Variants in NEO1 observed in about 807,000 individuals in gnomAD.
The protein encoded by NEO1 is neogenin 1.
Under a neutral mutation model 159.7 loss-of-function variants are expected in NEO1, and 63 were observed. That is an observed-to-expected ratio of 0.39 (90% CI 0.32 to 0.49). The LOEUF (loss-of-function observed/expected upper bound fraction) is 0.49. Ranked by LOEUF, NEO1 falls within the 20% of genes least tolerant of loss-of-function variation. The probability of loss-of-function intolerance (pLI) is 0.85; values close to 1 mark genes in which losing one functional copy is unlikely to be tolerated. For missense variants in NEO1, 1,615 were observed against 1,831.0 expected, an observed-to-expected ratio of 0.88 and a Z score of 2.15; for synonymous variants, 633 against 662.0, an observed-to-expected ratio of 0.96 and a Z score of 0.67.
chr15:73,283,096 C>T lies in NEO1; in HGVS notation c.3395C>T (p.Thr1132Ile). Residue 1132 changes from threonine to isoleucine, a missense_variant, in exon 23 of 29, where the codon ACC (threonine) becomes ATC (isoleucine). Physicochemically the swap from Thr to Ile is moderately conservative, Grantham distance 89. Around this residue, in one of 3 missense-constraint regions of NEO1, gnomAD observed 471 missense variants for 498.9 expected, o/e 0.94. Coordinates refer to ENST00000261908, the MANE Select transcript of NEO1 (RefSeq NM_002499.4). ...GCTGTCTTTTGTACCCGTCGTACCA[C>T]CTCTCACCAGAAAAAGTAAGAAGCC... ...IIAVFCTRRT[T>I]SHQKKKRAAC... is the part of the protein sequence containing the mutation. The T allele has an allele frequency of 6.2e-7, 1 of 1,614,082 alleles. No homozygotes were observed. The highest frequency in any genetic ancestry group is 8.5e-7 in the Non-Finnish European group (1 of 1,180,010).
At chr15:73,106,155 G>T (rs1344636434) in intron 1 of NEO1, among the ~76,000 whole-genome samples, 1 of 152,110 alleles carries the variant, frequency 6.6e-6, no homozygotes, top group Non-Finnish European at 1.5e-5. Flanking sequence ...GTATTAGACA[G>T]CTGGGAAAGA....
chr15:73,166,841 G>A (rs1323678106), intron 5 of NEO1, among the ~76,000 whole-genome samples: 1 of 152,006 alleles, frequency 6.6e-6, no homozygotes, highest in Non-Finnish European at 1.5e-5. Flanking sequence ...GATCCATTTG[G>A]TGGGGTCCAG....
intron 1 of NEO1, among the ~76,000 whole-genome samples, chr15:73,060,876 C>G (rs2067943876): frequency 6.6e-6 from 1 of 151,832 alleles, no homozygotes; most frequent in Admixed American, 6.6e-5. Context: ...TCTCAAACTC[C>G]TAGACTCAAG....
At chr15:73,066,036 T>C (rs2068197793) in intron 1 of NEO1, among the ~76,000 whole-genome samples, 1 of 68,542 alleles carries the variant, frequency 1.5e-5, no homozygotes. Flanking sequence ...CTTTCTTTTC[T>C]TTTTTTTTTT....
chr15:73,286,768 C>A (rs895925720), intron 23 of NEO1, among the ~76,000 whole-genome samples: 5 of 152,306 alleles, frequency 3.3e-5, no homozygotes, highest in Admixed American at 2.0e-4. Flanking sequence ...ACTCCTCTTT[C>A]TTCTTTACTC....
At chr15:73,220,833 T>TG (rs1394018845) in intron 7 of NEO1, among the ~76,000 whole-genome samples, 8 of 152,282 alleles carry the variant, frequency 5.3e-5, no homozygotes, top group Non-Finnish European at 7.4e-5. Flanking sequence ...TCGTCTAAAT[T>TG]TTTTTCAAAG....
At chr15:73,234,062 CTT>C (rs754179971) in intron 7 of NEO1, among the ~76,000 whole-genome samples, 6 of 152,184 alleles carry the variant, frequency 3.9e-5, no homozygotes, top group Non-Finnish European at 5.9e-5. Flanking sequence ...ACACAGCAAA[CTT>C]TCTCTCCTCT....
chr15:73,110,898 A>G (rs2070944049), intron 1 of NEO1, among the ~76,000 whole-genome samples: 2 of 152,276 alleles, frequency 1.3e-5, no homozygotes, highest in Admixed American at 1.3e-4. Flanking sequence ...AAAAGTGGGT[A>G]AAGAAAATGA....
intron 7 of NEO1, among the ~76,000 whole-genome samples, chr15:73,187,033 G>A (rs898815187): frequency 2.6e-5 from 4 of 152,188 alleles, no homozygotes; most frequent in African/African-American, 9.7e-5. Context: ...TATATGTAGT[G>A]TAGTCCGATG....
At chr15:73,263,076 G>A (rs2040700090) in intron 15 of NEO1, among the ~76,000 whole-genome samples, 1 of 151,538 alleles carries the variant, frequency 6.6e-6, no homozygotes, top group Non-Finnish European at 1.5e-5. Flanking sequence ...TATTGGAAAT[G>A]TTCTATATCT....
intron 7 of NEO1, among the ~76,000 whole-genome samples, chr15:73,230,234 C>T (rs905087541): frequency 2.6e-5 from 4 of 152,094 alleles, no homozygotes; most frequent in Admixed American, 6.6e-5. Flanking sequence ...TATTATAGGT[C>T]GTTCAGACTT....
intron 7 of NEO1, among the ~76,000 whole-genome samples, chr15:73,232,103 T>C (rs183315825): frequency 6.6e-6 from 1 of 152,358 alleles, no homozygotes; most frequent in East Asian, 1.9e-4. Flanking sequence ...ACTTTATTTC[T>C]TTGCATGTCT....
chr15:73,089,944 A>AT (rs2069588765), intron 1 of NEO1, among the ~76,000 whole-genome samples: 1 of 152,214 alleles, frequency 6.6e-6, no homozygotes, highest in Admixed American at 6.5e-5. Context: ...ATATGTCTAA[A>AT]TTTGCTTGGG....
At position 73,282,971 on chromosome 15, in the gene NEO1, C is replaced by T. The variant is rs2041793201; in HGVS notation, c.3270C>T (p.Asn1090=). The change falls in exon 23 of 29, where the codon AAC becomes AAT. Residue 1090 remains asparagine (N), a synonymous_variant. Coordinates refer to ENST00000261908, the MANE Select transcript of NEO1 (RefSeq NM_002499.4). ...CCATTTCTCTCTCTGCAGGCAGTAA[C>T]AGCCCTCATGGGAGCCCCACCTCTC... ...SDYKPPMSGS[N]SPHGSPTSPL... 1 of 1,613,704 alleles carries T rather than the reference C, an allele frequency of 6.2e-7. No individual in the cohort carries two copies. The highest frequency in any genetic ancestry group is 8.5e-7 in the Non-Finnish European group (1 of 1,179,952).
intron 7 of NEO1, among the ~76,000 whole-genome samples, chr15:73,195,409 G>A (rs759840268): frequency 1.4e-4 from 21 of 152,086 alleles, no homozygotes; most frequent in Non-Finnish European, 2.9e-5. Flanking sequence ...TCCATGCTGC[G>A]TCTGTGTGTT....
At chr15:73,073,195 G>C (rs909381359) in intron 1 of NEO1, among the ~76,000 whole-genome samples, 7 of 152,154 alleles carry the variant, frequency 4.6e-5, no homozygotes, top group African/African-American at 1.7e-4. Context: ...ACTAGGAGAA[G>C]GTTGTATCAC....
intron 1 of NEO1, among the ~76,000 whole-genome samples, chr15:73,108,801 G>A (rs540217511): frequency 1.3e-5 from 2 of 152,318 alleles, no homozygotes; most frequent in South Asian, 2.1e-4. Flanking sequence ...CTAGCCATGC[G>A]ACAGAGAGTG....
chr15:73,158,331 C>G (rs577816252), intron 5 of NEO1, among the ~76,000 whole-genome samples: 92 of 143,320 alleles, frequency 6.4e-4, no homozygotes, highest in South Asian at 9.2e-4. Context: ...TTTACAGATT[C>G]ATTTCAAAAG....
At chr15:73,259,959 T>C (rs2040544121) in intron 14 of NEO1, among the ~76,000 whole-genome samples, 1 of 152,224 alleles carries the variant, frequency 6.6e-6, no homozygotes, top group Non-Finnish European at 1.5e-5. Context: ...ATGGTAACTA[T>C]TGAAAGGCAA....
Sources: allele counts gnomAD v4.1 joint callset (sites outside exome capture counted in the v4.1 genomes callset), GRCh38; gene constraint gnomAD v4.1.1; regional missense constraint gnomAD v4.1.1; transcripts MANE v1.5; gene names NCBI Gene and HGNC (gene_info 2026-07-23, HGNC 2026-07-21).